The following PCSK5 variants were observed in gnomAD, a reference collection of about 807,000 sequenced individuals.
PCSK5 encodes the protein prohormone convertase 5.
In PCSK5, 129 loss-of-function variants were observed where a neutral mutation model predicts 233.2. The ratio of observed to expected loss-of-function variants is 0.55; its 90% CI spans 0.48 to 0.64. The LOEUF (loss-of-function observed/expected upper bound fraction) is 0.64. Among genes scored for constraint, PCSK5 ranks in the 30% least tolerant of loss-of-function variants. The probability of loss-of-function intolerance (pLI) is 0.00; values close to 1 mark genes in which losing one functional copy is unlikely to be tolerated. For synonymous variants in PCSK5, 825 were observed against 879.2 expected, an observed-to-expected ratio of 0.94 and a Z score of 1.09; for missense variants, 2,076 against 2,430.1, an observed-to-expected ratio of 0.85 and a Z score of 3.06.
intron 3 of PCSK5, among the ~76,000 whole-genome samples, chr9:76,007,068 G>A (rs1015473245): frequency 2.0e-5 from 3 of 152,052 alleles, no homozygotes; most frequent in African/African-American, 7.2e-5. Context: ...CAATGCTCCT[G>A]ATTATATTTT....
intron 36 of PCSK5, 29 bp from the exon 37 acceptor site, chr9:76,354,004 A>T: frequency 6.4e-7 from 1 of 1,564,016 alleles, no homozygotes; most frequent in Non-Finnish European, 8.7e-7. Context: ...CTTTACACTC[A>T]AAAGGAACCT....
intron 20 of PCSK5, among the ~76,000 whole-genome samples, chr9:76,200,998 A>G (rs753178151): frequency 2.2e-4 from 33 of 152,210 alleles, no homozygotes; most frequent in Non-Finnish European, 4.0e-4. Flanking sequence ...AGGCGGCCAG[A>G]TTTGCTCAGT....
At chr9:76,344,708 T>C (rs1829928953) in intron 35 of PCSK5, among the ~76,000 whole-genome samples, 1 of 152,160 alleles carries the variant, frequency 6.6e-6, no homozygotes, top group Non-Finnish European at 1.5e-5. Flanking sequence ...TGTGGGACCT[T>C]TATTCCAACT....
At chr9:76,265,023 T>G (rs61190600) in intron 24 of PCSK5, among the ~76,000 whole-genome samples, 2,921 of 152,184 alleles carry the variant, frequency 0.019, 71 homozygotes, top group Middle Eastern at 0.058. Flanking sequence ...CCATCAATGG[T>G]GGGCTGAATA....
At chr9:76,179,025 T>C (rs78875637) in intron 14 of PCSK5, among the ~76,000 whole-genome samples, 1 of 152,322 alleles carries the variant, frequency 6.6e-6, no homozygotes, top group East Asian at 1.9e-4. Context: ...GAATTGCCCA[T>C]TGGCCTTTGT....
rs746802281 is a variant in PCSK5, at chr9:76,071,889, C to T, written c.885C>T (p.Gly295=). ...TCACCCGGCAAGCCTTTGAAAACGGCGTTAGAATGGTAGGTTTTAAAAGCA... is the reference window on the plus strand; with the variant it reads ...TCACCCGGCAAGCCTTTGAAAACGGTGTTAGAATGGTAGGTTTTAAAAGCA... The part of the protein sequence containing the change: ...APLTRQAFEN[G]VRMGRRGLGS... Residue 295 remains glycine (G), a synonymous_variant, in exon 7 of 38, where the codon GGC becomes GGT. Coordinates refer to ENST00000674117, the MANE Select transcript of PCSK5 (RefSeq NM_001372043.1). 6.9e-5 allele frequency: 112 copies of T among 1,613,512 alleles called. No homozygotes were observed. Among genetic ancestry groups the T allele is most frequent in the Non-Finnish European group, 8.6e-5 (102 of 1,179,788 alleles).
intron 9 of PCSK5, among the ~76,000 whole-genome samples, chr9:76,114,744 A>G (rs1181703371): frequency 6.6e-6 from 1 of 152,154 alleles, no homozygotes; most frequent in Non-Finnish European, 1.5e-5. Flanking sequence ...TTATTACTAT[A>G]ATAATAAAGA....
chr9:75,965,273 G>A (rs1329807718), intron 2 of PCSK5, among the ~76,000 whole-genome samples: 4 of 105,738 alleles, frequency 3.8e-5, no homozygotes, highest in Non-Finnish European at 8.5e-5. Context: ...GTGTGTGTGT[G>A]TGTGTGTGTG....
chr9:75,979,865 T>C (rs1826199490), intron 2 of PCSK5, among the ~76,000 whole-genome samples: 1 of 152,222 alleles, frequency 6.6e-6, no homozygotes, highest in South Asian at 2.1e-4. Context: ...ATTTAACTTT[T>C]TCATCAATAA....
chr9:76,142,091 C>G (rs1306464476), intron 10 of PCSK5, among the ~76,000 whole-genome samples: 4 of 151,826 alleles, frequency 2.6e-5, no homozygotes, highest in Admixed American at 2.6e-4. Context: ...ATGAGTTTAC[C>G]TATATAACAA....
chr9:76,034,500 C>T (rs1013931050), intron 5 of PCSK5, among the ~76,000 whole-genome samples: 1 of 152,056 alleles, frequency 6.6e-6, no homozygotes, highest in Non-Finnish European at 1.5e-5. Context: ...CTCTATGTAT[C>T]CCCTCCTCTT....
Position 76,357,466 on chromosome 9 carries a change from G to A in PCSK5, c.5255-1047G>A, listed in dbSNP as rs1365651530. 5.9e-5 allele frequency among the ~76,000 whole-genome samples: 9 copies of A among 152,062 alleles called. No individual in the cohort carries two copies. The East Asian group carries it at 7.8e-4, about 13-fold the overall frequency. The stretch of plus-strand genomic sequence containing the variant: ...TGGGAGACAGAGGCTGCAGTGAGCC[G>A]AGCTATTGTGCTACTGCACTCCAGC... On this transcript the variant is annotated intron_variant, in intron 37 of 37. Coordinates refer to ENST00000674117, the MANE Select transcript of PCSK5 (RefSeq NM_001372043.1).
At chr9:76,105,088 C>T (rs1831922892) in intron 8 of PCSK5, among the ~76,000 whole-genome samples, 1 of 152,182 alleles carries the variant, frequency 6.6e-6, no homozygotes, top group Non-Finnish European at 1.5e-5. Flanking sequence ...TGCGGCACCC[C>T]CATGTGCATG....
intron 35 of PCSK5, 32 bp downstream of exon 35, chr9:76,338,479 C>G (rs576543101): frequency 2.9e-5 from 42 of 1,471,956 alleles, no homozygotes; most frequent in Non-Finnish European, 4.0e-5. Flanking sequence ...TGCATGAGTG[C>G]GTAGAAAAAT....
In PCSK5 at chr9:76,351,450, A is replaced by G. The variant is rs1028431629; in HGVS notation, c.5067+522A>G. 3.0e-3 allele frequency among the ~76,000 whole-genome samples: 34 copies of G among 11,470 alleles called. 5 individuals carry two copies. In the Admixed American group the frequency reaches 0.034, roughly 12 times the overall value. The allele number at this position is 11,470 out of a possible 152,430, so 7.5% of individuals were successfully genotyped here. On this transcript the variant is annotated intron_variant, in intron 36 of 37. Coordinates refer to ENST00000674117, the MANE Select transcript of PCSK5 (RefSeq NM_001372043.1). Reference sequence around the variant, plus strand: ...CCCCCCTGCAATGTGAAAGAAAGGAAAGAAAGAAAGAAAGAAAGAAAGAAA... The same window carrying G: ...CCCCCCTGCAATGTGAAAGAAAGGAGAGAAAGAAAGAAAGAAAGAAAGAAA...
chr9:76,292,669 C>T (rs1828314832), intron 25 of PCSK5, among the ~76,000 whole-genome samples: 1 of 152,216 alleles, frequency 6.6e-6, no homozygotes, highest in Non-Finnish European at 1.5e-5. Context: ...GGTGCTATAT[C>T]AGCTCTTAGT....
intron 11 of PCSK5, among the ~76,000 whole-genome samples, chr9:76,158,307 C>T (rs186341024): frequency 1.6e-3 from 248 of 152,262 alleles, no homozygotes; most frequent in Non-Finnish European, 2.4e-3. Flanking sequence ...AAGGAAGAAG[C>T]GTTAGCCGTA....
intron 24 of PCSK5, among the ~76,000 whole-genome samples, chr9:76,265,446 C>T (rs1483295276): frequency 1.3e-5 from 2 of 151,934 alleles, no homozygotes; most frequent in East Asian, 1.9e-4. Context: ...ACATCAATAT[C>T]ATCAAAGTCA....
At chr9:76,317,984 A>G (rs1002525471) in intron 30 of PCSK5, among the ~76,000 whole-genome samples, 3 of 152,166 alleles carry the variant, frequency 2.0e-5, no homozygotes, top group East Asian at 3.9e-4. Context: ...TTTGTGGCAC[A>G]GCAATATTAT....
Sources: allele counts gnomAD v4.1 joint callset (sites outside exome capture counted in the v4.1 genomes callset), GRCh38; gene constraint gnomAD v4.1.1; transcripts MANE v1.5; gene names NCBI Gene and HGNC (gene_info 2026-07-23, HGNC 2026-07-21).